GLIS3: variants seen among roughly 807,000 people sequenced by gnomAD.
GLIS3 encodes GLIS family zinc finger 3.
In GLIS3, 53 loss-of-function variants were observed where a neutral mutation model predicts 78.6. The ratio of observed to expected loss-of-function variants is 0.67; its 90% confidence interval spans 0.54 to 0.85. The LOEUF (loss-of-function observed/expected upper bound fraction) is 0.85, where lower values mean the gene tolerates loss of function less well. Among genes scored for constraint, GLIS3 ranks in the 40% least tolerant of loss-of-function variants. The pLI, the probability that GLIS3 is intolerant of heterozygous loss-of-function variation, is 0.00. For synonymous variants in GLIS3, 684 were observed against 509.9 expected (o/e 1.34, Z -4.60); for missense variants, 1,703 against 1,231.1 (o/e 1.38, Z -5.74).
At chr9:4,221,748 G>A (rs556082043) in intron 2 of GLIS3, among the ~76,000 whole-genome samples, 1 of 152,322 alleles carries the variant, frequency 6.6e-6, no homozygotes, top group Non-Finnish European at 1.5e-5. Context: ...AGAAATGGTG[G>A]AGAAAAGCAC....
At position 4,117,945 on chromosome 9, in the gene GLIS3, G is replaced by A. The variant is rs371355667; in HGVS notation, c.1533C>T (p.Tyr511=). 5.0e-6 allele frequency: 8 copies of A among 1,613,926 alleles called. No individual in the cohort carries two copies. Among genetic ancestry groups the A allele is most frequent in the African/African-American group, 4.0e-5 (3 of 74,932 alleles). ...GCCGCACGAGCTCCTCCTGCTGGTC[G>A]TACAGGGCGCTGCAGTCGATCCAGC... ...CCRWIDCSAL[Y]DQQEELVRHI... Residue 511 remains tyrosine, a synonymous_variant, in exon 4 of 11, where the codon TAC becomes TAT. Coordinates refer to ENST00000381971, the MANE Select transcript of GLIS3 (RefSeq NM_001042413.2).
the GLIS3 span, among the ~76,000 whole-genome samples, chr9:4,377,152 G>C: frequency 3.0e-5 from 4 of 135,300 alleles, 1 homozygote. Flanking sequence ...GTGTGTCTGT[G>C]AGGGTGTTGC....
At chr9:4,187,768 G>A (rs1817944757) in intron 2 of GLIS3, among the ~76,000 whole-genome samples, 1 of 152,040 alleles carries the variant, frequency 6.6e-6, no homozygotes, top group African/African-American at 2.4e-5. Flanking sequence ...ACTGTGAATG[G>A]GAGTTCACTC....
chr9:4,214,510 T>A (rs1367668845), intron 2 of GLIS3, among the ~76,000 whole-genome samples: 1 of 152,186 alleles, frequency 6.6e-6, no homozygotes, highest in Non-Finnish European at 1.5e-5. Context: ...AGTCCCAAGA[T>A]AGAAACCTTT....
chr9:4,114,702 T>C (rs1398795319), intron 4 of GLIS3, among the ~76,000 whole-genome samples: 1 of 152,128 alleles, frequency 6.6e-6, no homozygotes. Flanking sequence ...CCTGTCTGTC[T>C]ACAGAGGCCT....
At chr9:4,311,265 C>T (rs138498129) in intron 2 of GLIS3, among the ~76,000 whole-genome samples, 5 of 152,208 alleles carry the variant, frequency 3.3e-5, no homozygotes, top group East Asian at 3.9e-4. Flanking sequence ...AAAAATTATC[C>T]GGGCGTGGTG....
At chr9:4,016,101 T>A (rs1356476849) in intron 4 of GLIS3, among the ~76,000 whole-genome samples, 1 of 152,098 alleles carries the variant, frequency 6.6e-6, no homozygotes, top group African/African-American at 2.4e-5. Context: ...TCTGCATAAG[T>A]CATCAAATGG....
chr9:4,355,500 G>A, the GLIS3 span, among the ~76,000 whole-genome samples: 1 of 152,112 alleles, frequency 6.6e-6, no homozygotes, highest in Non-Finnish European at 1.5e-5. Flanking sequence ...ACAGTACATA[G>A]CTAGCTCAAA....
chr9:4,444,320 CCTT>C, the GLIS3 span, among the ~76,000 whole-genome samples: 2 of 152,206 alleles, frequency 1.3e-5, no homozygotes, highest in Non-Finnish European at 2.9e-5. Flanking sequence ...TAAGCAATGT[CCTT>C]CTGTCCTCCC....
At chr9:4,311,713 T>C (rs551285666) in intron 2 of GLIS3, among the ~76,000 whole-genome samples, 6 of 152,262 alleles carry the variant, frequency 3.9e-5, no homozygotes, top group African/African-American at 1.4e-4. Context: ...CCACCTCCCC[T>C]GCCTTCTATA....
At chr9:4,241,264 G>A (rs996814280) in intron 2 of GLIS3, among the ~76,000 whole-genome samples, 1 of 152,082 alleles carries the variant, frequency 6.6e-6, no homozygotes, top group Non-Finnish European at 1.5e-5. Flanking sequence ...GTCTCCCAAA[G>A]CAATTCATTG....
At chr9:4,104,748 C>G (rs899762638) in intron 4 of GLIS3, among the ~76,000 whole-genome samples, 1 of 152,162 alleles carries the variant, frequency 6.6e-6, no homozygotes, top group Non-Finnish European at 1.5e-5. Context: ...TTTGCACTTG[C>G]TATTCTCTCT....
the GLIS3 span, among the ~76,000 whole-genome samples, chr9:4,481,352 T>C: frequency 6.6e-6 from 1 of 151,964 alleles, no homozygotes; most frequent in Non-Finnish European, 1.5e-5. Context: ...GGTATGGTGG[T>C]GTGTGCCTGT....
At chr9:4,088,865 A>G (rs1254054127) in intron 4 of GLIS3, among the ~76,000 whole-genome samples, 2 of 152,266 alleles carry the variant, frequency 1.3e-5, no homozygotes, top group Non-Finnish European at 2.9e-5. Flanking sequence ...TTCACAGCCA[A>G]AATCCTACAT....
chr9:3,889,275 T>G (rs566913028), intron 7 of GLIS3, among the ~76,000 whole-genome samples: 1 of 152,330 alleles, frequency 6.6e-6, no homozygotes, highest in African/African-American at 2.4e-5. Context: ...TGCAGGTGTC[T>G]TCTTGCAATT....
chr9:4,213,622 G>T (rs189029643), intron 2 of GLIS3, among the ~76,000 whole-genome samples: 1 of 152,166 alleles, frequency 6.6e-6, no homozygotes, highest in African/African-American at 2.4e-5. Flanking sequence ...CTACCATATT[G>T]AACAGCACAC....
the GLIS3 span, among the ~76,000 whole-genome samples, chr9:4,402,219 A>G: frequency 2.6e-5 from 4 of 152,224 alleles, no homozygotes; most frequent in African/African-American, 9.6e-5. Flanking sequence ...GAAAAGAACA[A>G]GTCTCCAGAA....
rs149323997 is a variant in GLIS3 at position 3,829,422 on chromosome 9, G to C, written c.2544C>G (p.Val848=). 8 of 1,614,040 alleles carry C rather than the reference G, an allele frequency of 5.0e-6. No individual in the cohort carries two copies. The African/African-American group carries it at 9.3e-5, about 19-fold the overall frequency. ...ACGAAGGCACCACACTGCAGGAGCT[G>C]ACAGGCGGCACAATTCTCTGGGAAT... ...YPDSQRIVPP[V]SSCSVVPSFE... The change falls in exon 10 of 11, where the codon GTC becomes GTG. Residue 848 remains valine (V), a synonymous_variant. Coordinates refer to ENST00000381971, the MANE Select transcript of GLIS3 (RefSeq NM_001042413.2).
chr9:4,386,382 CTT>C, the GLIS3 span: 2 of 63,600 alleles, frequency 3.1e-5, no homozygotes, highest in Non-Finnish European at 7.1e-5. Flanking sequence ...TCTTCATTTT[CTT>C]TTCTTTTTAA....
Sources: allele counts gnomAD v4.1 joint callset (sites outside exome capture counted in the v4.1 genomes callset), GRCh38; gene constraint gnomAD v4.1.1; transcripts MANE v1.5; gene names NCBI Gene and HGNC (gene_info 2026-07-23, HGNC 2026-07-21).